PCDHA3: variants seen among roughly 807,000 people sequenced by gnomAD.
The protein encoded by PCDHA3 is protocadherin alpha 3, also known as protocadherin alpha-3.
Under a neutral mutation model 62.2 loss-of-function variants are expected in PCDHA3, and 41 were observed. That is an observed-to-expected ratio of 0.66 (90% CI 0.51 to 0.86). The LOEUF (loss-of-function observed/expected upper bound fraction) is 0.86. Among genes scored for constraint, PCDHA3 ranks in the 40% least tolerant of loss-of-function variants. The pLI is 0.00. For missense variants in PCDHA3, 1,304 were observed against 1,241.2 expected (o/e 1.05, Z -0.76); for synonymous variants, 640 against 555.4 (o/e 1.15, Z -2.14).
Position 140,836,337 on chromosome 5 carries a change from A to G in PCDHA3, c.2394+32746A>G, listed in dbSNP as rs143048298. On this transcript the variant is annotated intron_variant, in intron 1 of 3. Transcript: ENST00000522353. ...GCGCCACCGCCTTCTGGTGCTTGTG[A>G]AGGACCACGGGGAGCCCTCGCTGAC... 1,176 of 1,613,648 alleles carry G rather than the reference A, an allele frequency of 7.3e-4. 14 individuals carry two copies. Among genetic ancestry groups the G allele is most frequent in the Non-Finnish European group, 9.2e-4 (1,082 of 1,179,806 alleles).
chr5:140,806,621 A>C (rs1228177871), intron 1 of PCDHA3, among the ~76,000 whole-genome samples: 2 of 144,986 alleles, frequency 1.4e-5, no homozygotes, highest in Admixed American at 7.1e-5. Context: ...CAAGTCAACA[A>C]CACCAGAAAT....
intron 1 of PCDHA3, among the ~76,000 whole-genome samples, chr5:140,940,745 T>C (rs1554213585): frequency 6.6e-6 from 1 of 152,260 alleles, no homozygotes; most frequent in Non-Finnish European, 1.5e-5. Flanking sequence ...CATATTTTTA[T>C]GTGTGCCAAC....
At chr5:140,875,342 A>G in intron 1 of PCDHA3, 1 of 1,443,152 alleles carries the variant, frequency 6.9e-7, no homozygotes, top group South Asian at 1.5e-5. Flanking sequence ...GATCGACTCC[A>G]TAATGACTGT....
chr5:141,001,130 T>C (rs1233424080), intron 3 of PCDHA3, among the ~76,000 whole-genome samples: 1 of 152,036 alleles, frequency 6.6e-6, no homozygotes, highest in African/African-American at 2.4e-5. Context: ...CTTAAACAAA[T>C]GAATCTTCTG....
In PCDHA3 at chr5:140,802,868, C is replaced by A. The variant is rs199682432; in HGVS notation, c.1671C>A (p.Asp557Glu). Residue 557 changes from aspartate (D) to glutamate (E), a missense_variant, in exon 1 of 4, where the codon GAC (aspartate) becomes GAA (glutamate). Asp to Glu is a conservative substitution (Grantham distance 45). Coordinates refer to ENST00000522353, the MANE Select transcript of PCDHA3 (RefSeq NM_018906.3). ...TGACGCTGCAGGTGTTCGTGCTGGA[C>A]GAGAACGACAACGCGCCGGCACTGC... ...SNVTLQVFVL[D>E]ENDNAPALLM... is the part of the protein sequence containing the mutation. 1 of 1,613,720 alleles carries A rather than the reference C, an allele frequency of 6.2e-7. No homozygotes were observed. The highest frequency in any genetic ancestry group is 1.1e-5 in the South Asian group (1 of 91,082).
intron 1 of PCDHA3, chr5:140,851,050 G>T: frequency 7.2e-7 from 1 of 1,384,398 alleles, no homozygotes; most frequent in African/African-American, 1.5e-5. Context: ...AGCCGACTTT[G>T]TCTTGACTTC....
intron 1 of PCDHA3, chr5:140,883,380 T>C (rs1554177974): frequency 1.2e-6 from 2 of 1,614,176 alleles, no homozygotes; most frequent in Admixed American, 3.3e-5. Context: ...ATTATTGCCC[T>C]AATCAGTGTG....
intron 3 of PCDHA3, among the ~76,000 whole-genome samples, chr5:141,005,519 C>T (rs1374058521): frequency 1.3e-5 from 2 of 151,140 alleles, no homozygotes; most frequent in Middle Eastern, 3.2e-3. Context: ...CTGGCTAACA[C>T]GGTGAAACCC....
At chr5:140,962,223 A>G (rs951247075) in intron 1 of PCDHA3, among the ~76,000 whole-genome samples, 8 of 152,160 alleles carry the variant, frequency 5.3e-5, no homozygotes, top group Admixed American at 3.9e-4. Flanking sequence ...CTTGAGGTTC[A>G]AGTTTCACTT....
rs1581650100 is a variant in PCDHA3 at position 140,802,334 on chromosome 5, A to C, written c.1137A>C (p.Ser379=). The change falls in exon 1 of 4, where the codon TCA becomes TCC. Residue 379 remains serine (S), a synonymous_variant. Transcript: ENST00000522353. ...TGATCAGCGTGTCCGACCGCGACTC[A>C]GGAGTCAATGGACAGGTCACCTGCT... ...IALISVSDRD[S]GVNGQVTCSL... 6.2e-7 allele frequency: 1 copy of C among 1,614,250 alleles called. No individual in the cohort carries two copies.
At chr5:140,924,901 AAAAATAAAAT>A (rs10667761) in intron 1 of PCDHA3, among the ~76,000 whole-genome samples, 1,500 of 80,408 alleles carry the variant, frequency 0.019, 14 homozygotes, top group African/African-American at 0.052. Context: ...TCTCAAAAAA[AAAAATAAAAT>A]AAAATAAAAT....
chr5:140,801,280 G>T lies in PCDHA3; in HGVS notation c.83G>T (p.Ser28Ile). The change falls in exon 1 of 4, where the codon AGC becomes ATC. Residue 28 changes from serine to isoleucine, a missense_variant. Transcript: ENST00000522353. ...CTCCTCGCAGCCTCGGAGGTGGGGAGCGGCCAGCTCCACTACTCCGTCTCT... is the reference window on the plus strand; with the variant it reads ...CTCCTCGCAGCCTCGGAGGTGGGGATCGGCCAGCTCCACTACTCCGTCTCT... The part of the protein sequence containing the change: ...LLLLAASEVG[S>I]GQLHYSVSEE... The T allele has an allele frequency of 6.2e-7, 1 of 1,613,574 alleles. No individual in the cohort carries two copies. Among genetic ancestry groups the T allele is most frequent in the Non-Finnish European group, 8.5e-7 (1 of 1,179,904 alleles).
At chr5:140,822,120 T>G in intron 1 of PCDHA3, 1 of 1,614,188 alleles carries the variant, frequency 6.2e-7, no homozygotes, top group Non-Finnish European at 8.5e-7. Context: ...CGCTGCAGGT[T>G]TTCCATGTGG....
intron 1 of PCDHA3, among the ~76,000 whole-genome samples, chr5:140,904,512 C>A (rs1251570223): frequency 2.0e-5 from 3 of 151,738 alleles, no homozygotes; most frequent in African/African-American, 7.3e-5. Flanking sequence ...GTGAATTGTG[C>A]TGCTATAAAC....
At chr5:140,968,909 G>T in intron 1 of PCDHA3, 1 of 1,614,172 alleles carries the variant, frequency 6.2e-7, no homozygotes, top group East Asian at 2.2e-5. Flanking sequence ...ATTAAGCACA[G>T]TGTCTTTTAT....
intron 1 of PCDHA3, chr5:140,808,051 T>A: frequency 6.2e-7 from 1 of 1,614,058 alleles, no homozygotes; most frequent in Middle Eastern, 1.6e-4. Context: ...TTTCGCCAAA[T>A]GTGAAATCCA....
chr5:140,908,416 G>GGAAT (rs1303787034), intron 1 of PCDHA3, among the ~76,000 whole-genome samples: 1 of 152,152 alleles, frequency 6.6e-6, no homozygotes, highest in African/African-American at 2.4e-5. Flanking sequence ...ATTTGATGAT[G>GGAAT]GAATGCTGCT....
intron 1 of PCDHA3, chr5:140,870,381 G>T: frequency 6.2e-7 from 1 of 1,614,214 alleles, no homozygotes; most frequent in African/African-American, 1.3e-5. Flanking sequence ...TGGTGACTGC[G>T]CGGGATGGGG....
Position 140,824,014 on chromosome 5 carries a change from TG to T in PCDHA3, c.2394+20425del, listed in dbSNP as rs2150131529. On this transcript the variant is annotated intron_variant, in intron 1 of 3. Transcript: ENST00000522353. The stretch of plus-strand genomic sequence containing the variant: ...GTTGTGCTCCAGCGCGGTGGGGAGC[TG>T]GTCGTACTCGCAGCAGAGGAGACAG... The T allele has an allele frequency of 3.7e-6, 6 of 1,614,050 alleles. No homozygotes were observed. The South Asian group carries it at 5.5e-5, about 15-fold the overall frequency.
Sources: allele counts gnomAD v4.1 joint callset (sites outside exome capture counted in the v4.1 genomes callset), GRCh38; gene constraint gnomAD v4.1.1; transcripts MANE v1.5; gene names NCBI Gene and HGNC (gene_info 2026-07-23, HGNC 2026-07-21).